The following IQCH variants were observed in gnomAD, a reference collection of about 807,000 sequenced individuals.
The protein encoded by IQCH is IQ domain-containing protein H.
In IQCH, 98 loss-of-function variants were observed where a neutral mutation model predicts 117.0. That is an observed-to-expected ratio of 0.84 (90% CI 0.71 to 0.99). IQCH has a LOEUF of 0.99. Ranked by LOEUF, IQCH falls within the 50% of genes least tolerant of loss-of-function variation. IQCH has a pLI of 0.00. For missense variants in IQCH, 1,102 were observed against 1,243.8 expected, an observed-to-expected ratio of 0.89 and a Z score of 1.72; for synonymous variants, 412 against 448.2, an observed-to-expected ratio of 0.92 and a Z score of 1.02.
intron 8 of IQCH, among the ~76,000 whole-genome samples, chr15:67,363,281 G>T (rs1281209313): frequency 6.8e-6 from 1 of 146,734 alleles, no homozygotes; most frequent in African/African-American, 2.5e-5. Flanking sequence ...TCTCACCCAG[G>T]TGGGAGTGCA....
chr15:67,269,676 A>G (rs1372952615), intron 3 of IQCH, among the ~76,000 whole-genome samples: 1 of 137,342 alleles, frequency 7.3e-6, no homozygotes, highest in African/African-American at 2.7e-5. Context: ...CCACCAATCT[A>G]CTCTCCATAT....
intron 4 of IQCH, chr15:67,281,839 A>C (rs890877288): frequency 4.5e-6 from 2 of 447,660 alleles, no homozygotes; most frequent in African/African-American, 2.0e-5. Context: ...TGAATGGATA[A>C]ACAAAACCAC....
chr15:67,264,391 GTC>G (rs1265303164), intron 3 of IQCH, among the ~76,000 whole-genome samples: 1 of 152,194 alleles, frequency 6.6e-6, no homozygotes, highest in Non-Finnish European at 1.5e-5. Flanking sequence ...CTGCCTCAGG[GTC>G]TCTCACAGGC....
intron 13 of IQCH, among the ~76,000 whole-genome samples, chr15:67,397,330 C>A (rs1286053689): frequency 6.6e-6 from 1 of 152,180 alleles, no homozygotes; most frequent in Non-Finnish European, 1.5e-5. Flanking sequence ...AAATCTCCCT[C>A]TAGTGCTAGT....
intron 4 of IQCH, 66 bp from the exon 5 acceptor site, chr15:67,336,909 T>C: frequency 6.7e-7 from 1 of 1,502,680 alleles, no homozygotes; most frequent in Non-Finnish European, 9.1e-7. Context: ...ATTTATTGTT[T>C]ACAAGAAGAA....
intron 16 of IQCH, among the ~76,000 whole-genome samples, chr15:67,449,321 T>A (rs1596399695): frequency 6.6e-6 from 1 of 152,178 alleles, no homozygotes; most frequent in East Asian, 1.9e-4. Flanking sequence ...CTGAATGGTA[T>A]TGCCTAGGTT....
At chr15:67,304,478 G>T (rs1967204301) in intron 4 of IQCH, 2 of 1,076,024 alleles carry the variant, frequency 1.9e-6, no homozygotes, top group Non-Finnish European at 2.7e-6. Flanking sequence ...TTGTTTTAAT[G>T]AGCTCTTATT....
rs36050088 is a variant in IQCH, at chr15:67,474,067, A to AGTGTGTGTGTGTGTGTGTGT, written c.2677-1611_2677-1592dup. Among the ~76,000 whole-genome samples, 11 of 138,316 alleles carry AGTGTGTGTGTGTGTGTGTGT rather than the reference A, an allele frequency of 8.0e-5. No individual in the cohort carries two copies. The highest frequency in any genetic ancestry group is 2.2e-4 in the African/African-American group (8 of 37,076). The allele number at this position is 138,316 out of a possible 152,430, so 90.7% of individuals were successfully genotyped here. On this transcript the variant is annotated intron_variant, in intron 17 of 20. Coordinates refer to ENST00000335894, the MANE Select transcript of IQCH (RefSeq NM_001031715.3). This position sits in a 1 kb window ranked among gnomAD's most constrained non-coding sequence, Gnocchi z 4.1. Reference sequence around the variant, plus strand: ...GTCACCAAAAGTGCCACGAAATCTGAGTGTGTGTGTGTGTGTGTGTGTGTG... The same window carrying AGTGTGTGTGTGTGTGTGTGT: ...GTCACCAAAAGTGCCACGAAATCTGAGTGTGTGTGTGTGTGTGTGTGTGTGTGTGTGTGTGTGTGTGTGTG...
intron 17 of IQCH, among the ~76,000 whole-genome samples, chr15:67,470,342 T>C (rs1391215335): frequency 6.6e-6 from 1 of 152,186 alleles, no homozygotes; most frequent in Non-Finnish European, 1.5e-5. Context: ...CATGCCTGGC[T>C]AATTTTTTTG....
At chr15:67,400,943 T>C (rs539895380) in intron 14 of IQCH, among the ~76,000 whole-genome samples, 1 of 152,336 alleles carries the variant, frequency 6.6e-6, no homozygotes, top group South Asian at 2.1e-4. Context: ...GATCATGTGC[T>C]TCTAACAACT....
intron 18 of IQCH, among the ~76,000 whole-genome samples, chr15:67,485,050 A>G (rs2083438469): frequency 6.6e-6 from 1 of 152,210 alleles, no homozygotes; most frequent in South Asian, 2.1e-4. Context: ...ATAATCTATG[A>G]AAGCTAGAAG....
chr15:67,264,884 C>G (rs890304665), intron 3 of IQCH, among the ~76,000 whole-genome samples: 4 of 145,834 alleles, frequency 2.7e-5, no homozygotes, highest in Non-Finnish European at 6.1e-5. Flanking sequence ...TCTCTCCCTC[C>G]CCTACCATAT....
Position 67,427,387 on chromosome 15 carries a change from T to C in IQCH, c.2505+5810T>C, listed in dbSNP as rs139772769. Among the ~76,000 whole-genome samples the C allele has an allele frequency of 7.4e-3, 1,130 of 152,294 alleles. 11 individuals carry two copies. Among genetic ancestry groups the C allele is most frequent in the Admixed American group, 0.012 (180 of 15,284 alleles). On this transcript the variant is annotated intron_variant, in intron 16 of 20. Coordinates refer to ENST00000335894, the MANE Select transcript of IQCH (RefSeq NM_001031715.3). This position sits in a 1 kb window ranked among gnomAD's most constrained non-coding sequence, Gnocchi z 4.7. The stretch of plus-strand genomic sequence containing the variant: ...ATCCAGCTGTTTTTCTTTTTTCTTT[T>C]CTTTTTTTTGTAGAGATAGGGTCTC...
intron 4 of IQCH, among the ~76,000 whole-genome samples, chr15:67,328,235 C>T (rs2140628475): frequency 6.6e-6 from 1 of 152,140 alleles, no homozygotes; most frequent in Admixed American, 6.5e-5. Flanking sequence ...GCTGCTCCAC[C>T]ATTACCATAA....
chr15:67,269,284 A>G (rs1965804267), intron 3 of IQCH, among the ~76,000 whole-genome samples: 1 of 152,238 alleles, frequency 6.6e-6, no homozygotes, highest in Non-Finnish European at 1.5e-5. Flanking sequence ...AGGTACAGCA[A>G]AATGGGCATA....
intron 3 of IQCH, among the ~76,000 whole-genome samples, chr15:67,267,120 G>A (rs1787180215): frequency 2.6e-5 from 4 of 152,210 alleles, no homozygotes; most frequent in South Asian, 2.1e-4. Context: ...TGCAAGGGAC[G>A]TTACCACATG....
chr15:67,254,959 G>A lies in IQCH; in HGVS notation c.51+12G>A. On this transcript the variant is annotated intron_variant, in intron 1 of 20. Transcript: ENST00000335894. ...CCATCTTAATCCAGGTGGGAAACGG[G>A]CTTCCCCCGGCCCTGCCCTGCCCAG... is the stretch of plus-strand genomic sequence containing the variant. 6.2e-7 allele frequency: 1 copy of A among 1,611,686 alleles called. No homozygotes were observed. Among genetic ancestry groups the A allele is most frequent in the Non-Finnish European group, 8.5e-7 (1 of 1,178,792 alleles).
chr15:67,352,298 T>C (rs1567119326), intron 6 of IQCH, among the ~76,000 whole-genome samples: 1 of 152,196 alleles, frequency 6.6e-6, no homozygotes, highest in African/African-American at 2.4e-5. Flanking sequence ...TTATGTATTT[T>C]AGTTGTATCT....
At position 67,426,064 on chromosome 15, in the gene IQCH, A is replaced by AAGATG. The variant is rs1481711920; in HGVS notation, c.2505+4487_2505+4488insAGATG. Among the ~76,000 whole-genome samples the AAGATG allele has an allele frequency of 1.3e-5, 2 of 152,178 alleles. No individual in the cohort carries two copies. The highest frequency in any genetic ancestry group is 1.5e-5 in the Non-Finnish European group (1 of 68,028). ...TGAGCATGTCTTACTTTCTGACACAATAAGATGTTCCAGGCTCATTTTCTA... is the reference window on the plus strand; with the variant it reads ...TGAGCATGTCTTACTTTCTGACACAAAGATGTAAGATGTTCCAGGCTCATTTTCTA... On this transcript the variant is annotated intron_variant, in intron 16 of 20. Coordinates refer to ENST00000335894, the MANE Select transcript of IQCH (RefSeq NM_001031715.3). This position sits in a 1 kb window ranked among gnomAD's most constrained non-coding sequence, Gnocchi z 5.1.
Sources: gnomAD v4.1 joint callset for allele counts (sites outside exome capture counted in the v4.1 genomes callset) on GRCh38, gnomAD v4.1.1 for gene constraint, Gnocchi (gnomAD v3.1) non-coding constraint, MANE v1.5 for transcripts, NCBI Gene and HGNC (gene_info 2026-07-23, HGNC 2026-07-21) for gene names.